MAP2K1: variants seen among roughly 807,000 people sequenced by gnomAD.
The protein encoded by MAP2K1 is dual specificity mitogen-activated protein kinase kinase 1.
Under a neutral mutation model 46.3 loss-of-function variants are expected in MAP2K1, and 16 were observed. The ratio of observed to expected loss-of-function variants is 0.35; its 90% CI spans 0.23 to 0.52. The LOEUF (loss-of-function observed/expected upper bound fraction) is 0.52, where lower values mean the gene tolerates loss of function less well. Ranked by LOEUF, MAP2K1 falls within the 20% of genes least tolerant of loss-of-function variation. The pLI is 0.94. For synonymous variants in MAP2K1, 183 were observed against 185.6 expected, an observed-to-expected ratio of 0.99 and a Z score of 0.11; for missense variants, 263 against 497.1, an observed-to-expected ratio of 0.53 and a Z score of 4.48.
chr15:66,440,527 G>A (rs1285886461), intron 3 of MAP2K1, among the ~76,000 whole-genome samples: 1 of 152,228 alleles, frequency 6.6e-6, no homozygotes, highest in African/African-American at 2.4e-5. Context: ...TGAGACCCAA[G>A]GAGGGAAATT....
chr15:66,473,530 A>G (rs1892688194), intron 5 of MAP2K1, among the ~76,000 whole-genome samples: 1 of 152,174 alleles, frequency 6.6e-6, no homozygotes, highest in African/African-American at 2.4e-5. Flanking sequence ...GCCAAAAAAA[A>G]GAGTGCTGTC....
chr15:66,451,977 G>A (rs371239227), intron 5 of MAP2K1, among the ~76,000 whole-genome samples: 1 of 21,092 alleles, frequency 4.7e-5, no homozygotes, highest in Non-Finnish European at 1.0e-4. Context: ...ATGAGTTCAT[G>A]TCCTTTGTAG....
chr15:66,457,791 G>A (rs11855936), intron 5 of MAP2K1, among the ~76,000 whole-genome samples: 8,560 of 151,744 alleles, frequency 0.056, 345 homozygotes, highest in Middle Eastern at 0.11. Flanking sequence ...GTGAAACCCC[G>A]TCTCTACTAA....
intron 5 of MAP2K1, among the ~76,000 whole-genome samples, chr15:66,478,444 A>G (rs1476497737): frequency 3.1e-5 from 4 of 130,884 alleles, no homozygotes; most frequent in Non-Finnish European, 5.3e-5. Flanking sequence ...ACACACAGGT[A>G]TATATATATA....
rs1254124649 is a variant in MAP2K1 at position 66,489,711 on chromosome 15, C to T, written c.1023-7C>T. ...AACAGCTCTTACCTTGTCTTTCTTC[C>T]TTTAAGCTTAATAAAAAACCCCGCA... On this transcript the variant is annotated splice_region_variant and splice_polypyrimidine_tract_variant and intron_variant, in intron 9 of 10. Coordinates refer to ENST00000307102, the MANE Select transcript of MAP2K1 (RefSeq NM_002755.4). 1.2e-6 allele frequency: 2 copies of T among 1,612,602 alleles called. No homozygotes were observed. Among genetic ancestry groups the T allele is most frequent in the African/African-American group, 2.7e-5 (2 of 74,888 alleles).
chr15:66,475,807 T>G (rs780158420), intron 5 of MAP2K1, among the ~76,000 whole-genome samples: 3 of 152,186 alleles, frequency 2.0e-5, no homozygotes, highest in Non-Finnish European at 4.4e-5. Flanking sequence ...TTCTTGTCAT[T>G]TGTTGGATTC....
intron 5 of MAP2K1, among the ~76,000 whole-genome samples, chr15:66,478,921 C>G (rs1595883505): frequency 6.6e-6 from 1 of 152,128 alleles, no homozygotes; most frequent in Non-Finnish European, 1.5e-5. Flanking sequence ...ACAGAGCCCA[C>G]AGGTAAGGTA....
intron 5 of MAP2K1, among the ~76,000 whole-genome samples, chr15:66,447,936 A>C (rs1391988708): frequency 6.6e-6 from 1 of 151,888 alleles, no homozygotes; most frequent in African/African-American, 2.4e-5. Flanking sequence ...AGATCACCTG[A>C]GGTCAGGAGT....
intron 5 of MAP2K1, among the ~76,000 whole-genome samples, chr15:66,462,361 G>A (rs1462832175): frequency 1.3e-5 from 2 of 151,882 alleles, no homozygotes; most frequent in African/African-American, 2.4e-5. Flanking sequence ...TTAGCTGGGC[G>A]TAGTGGCACA....
rs539472663 is a variant in MAP2K1 at position 66,470,927 on chromosome 15, G to A, written c.569-10828G>A. On this transcript the variant is annotated intron_variant, in intron 5 of 10. Coordinates refer to ENST00000307102, the MANE Select transcript of MAP2K1 (RefSeq NM_002755.4). Reference sequence around the variant, plus strand: ...AGGGAGACATGAGACATCAGTATATGTAAGATGTTCCTTGGTTCTGTTGGG... The same window carrying A: ...AGGGAGACATGAGACATCAGTATATATAAGATGTTCCTTGGTTCTGTTGGG... Among the ~76,000 whole-genome samples, 25 of 152,334 alleles carry A rather than the reference G, an allele frequency of 1.6e-4. No individual in the cohort carries two copies. The South Asian group carries it at 5.0e-3, about 30-fold the overall frequency.
chr15:66,465,249 TC>T (rs1892432633), intron 5 of MAP2K1, among the ~76,000 whole-genome samples: 1 of 152,080 alleles, frequency 6.6e-6, no homozygotes, highest in South Asian at 2.1e-4. Flanking sequence ...ATGGCTTTAT[TC>T]GGCTGGGAGC....
At position 66,412,734 on chromosome 15, in the gene MAP2K1, G is replaced by GGC. The variant is rs533221258; in HGVS notation, c.81-22292_81-22291dup. Reference sequence around the variant, plus strand: ...TCTTGCCGTATTGCCCAGGCTGGAGGGCAGTGGCTATTCACAGGTGCAGTC... The same window carrying GGC: ...TCTTGCCGTATTGCCCAGGCTGGAGGGCGCAGTGGCTATTCACAGGTGCAGTC... On this transcript the variant is annotated intron_variant, in intron 1 of 10. Transcript: ENST00000307102. Among the ~76,000 whole-genome samples the GGC allele has an allele frequency of 2.3e-3, 352 of 152,092 alleles. 1 individual carries two copies. The highest frequency in any genetic ancestry group is 7.6e-3 in the African/African-American group (317 of 41,486).
intron 1 of MAP2K1, among the ~76,000 whole-genome samples, chr15:66,418,253 G>A (rs1487511660): frequency 6.6e-6 from 1 of 152,130 alleles, no homozygotes; most frequent in African/African-American, 2.4e-5. Context: ...TCCTGTTATA[G>A]CTGAAGAGTG....
At chr15:66,478,313 G>GTA (rs201124366) in intron 5 of MAP2K1, among the ~76,000 whole-genome samples, 35 of 140,666 alleles carry the variant, frequency 2.5e-4, no homozygotes, top group South Asian at 8.9e-4. Context: ...TATATATATA[G>GTA]TATATATATA....
intron 1 of MAP2K1, among the ~76,000 whole-genome samples, chr15:66,433,768 C>T (rs1237893365): frequency 2.6e-5 from 4 of 152,296 alleles, no homozygotes; most frequent in African/African-American, 9.6e-5. Flanking sequence ...TGTGTCACTT[C>T]AGCCACCCCA....
intron 1 of MAP2K1, among the ~76,000 whole-genome samples, chr15:66,422,449 A>G (rs1336565413): frequency 1.3e-5 from 2 of 152,138 alleles, no homozygotes; most frequent in East Asian, 3.9e-4. Context: ...GAACATTTGT[A>G]TTGTTATTCT....
At chr15:66,439,866 C>T (rs952426664) in intron 3 of MAP2K1, among the ~76,000 whole-genome samples, 2 of 147,526 alleles carry the variant, frequency 1.4e-5, no homozygotes, top group Non-Finnish European at 3.0e-5. Context: ...AACCAGGAGG[C>T]AGAGGTTGCA....
intron 3 of MAP2K1, among the ~76,000 whole-genome samples, 173 bp downstream of exon 3, chr15:66,437,065 C>T (rs2093490179): frequency 6.6e-6 from 1 of 152,192 alleles, no homozygotes; most frequent in South Asian, 2.1e-4. Flanking sequence ...CACAAGATGG[C>T]AGGCCTCCTT....
chr15:66,486,240 G>A (rs1171763218), intron 7 of MAP2K1, among the ~76,000 whole-genome samples: 2 of 152,100 alleles, frequency 1.3e-5, no homozygotes, highest in South Asian at 4.1e-4. Context: ...TTTTTATTGA[G>A]ATATAGAATT....
Sources: allele counts gnomAD v4.1 joint callset (sites outside exome capture counted in the v4.1 genomes callset), GRCh38; gene constraint gnomAD v4.1.1; transcripts MANE v1.5; gene names NCBI Gene and HGNC (gene_info 2026-07-23, HGNC 2026-07-21).